The following N4BP2 variants were observed in gnomAD, a reference collection of about 807,000 sequenced individuals.
N4BP2 encodes the protein NEDD4-binding protein 2.
N4BP2 carries 91 observed loss-of-function variants against 152.8 expected under a neutral mutation model. The observed-to-expected ratio is 0.60, with a 90% CI of 0.50 to 0.71. The LOEUF (loss-of-function observed/expected upper bound fraction) is 0.71, where lower values mean the gene tolerates loss of function less well. N4BP2 is among the 30% of genes least tolerant of loss of function. The probability of loss-of-function intolerance (pLI) is 0.00; values close to 1 mark genes in which losing one functional copy is unlikely to be tolerated. For synonymous variants in N4BP2, 646 were observed against 705.3 expected (o/e 0.92, Z 1.33); for missense variants, 1,923 against 2,059.1 (o/e 0.93, Z 1.28).
intron 14 of N4BP2, among the ~76,000 whole-genome samples, chr4:40,140,363 C>A (rs1719805256): frequency 6.6e-6 from 1 of 152,104 alleles, no homozygotes; most frequent in Non-Finnish European, 1.5e-5. Context: ...GATTATGAGA[C>A]CTTATGGGCC....
chr4:40,088,641 C>G (rs921853616), intron 2 of N4BP2, among the ~76,000 whole-genome samples: 1 of 152,004 alleles, frequency 6.6e-6, no homozygotes, highest in South Asian at 2.1e-4. Context: ...GCTGGGATTA[C>G]AGGCATGCAC....
chr4:40,127,861 C>G (rs1560623986), intron 12 of N4BP2, among the ~76,000 whole-genome samples: 1 of 152,138 alleles, frequency 6.6e-6, no homozygotes, highest in African/African-American at 2.4e-5. Flanking sequence ...CGGGGTTTCA[C>G]CGTGTTAGCC....
intron 2 of N4BP2, among the ~76,000 whole-genome samples, chr4:40,095,928 T>C (rs972789246): frequency 7.2e-5 from 11 of 152,150 alleles, no homozygotes; most frequent in African/African-American, 2.7e-4. Context: ...CTGGCTGGTA[T>C]ATTGAAAATA....
chr4:40,091,602 CT>C (rs35142277), intron 2 of N4BP2, among the ~76,000 whole-genome samples: 6,043 of 80,420 alleles, frequency 0.075, 58 homozygotes, highest in Non-Finnish European at 0.084. Flanking sequence ...GTATACAATC[CT>C]TTTTTTTTTT....
At chr4:40,092,284 A>ATT (rs766052742) in intron 2 of N4BP2, among the ~76,000 whole-genome samples, 2 of 146,674 alleles carry the variant, frequency 1.4e-5, no homozygotes, top group Non-Finnish European at 3.0e-5. Flanking sequence ...GGCCCTGGAA[A>ATT]TTTTTTTTTT....
At chr4:40,092,008 TTATATATATATATATA>T (rs1221314746) in intron 2 of N4BP2, among the ~76,000 whole-genome samples, 10 of 27,206 alleles carry the variant, frequency 3.7e-4, no homozygotes, top group East Asian at 1.9e-3. Flanking sequence ...AAAAAAAAAA[TTATATATATATATATA>T]TATATATATA....
At chr4:40,124,068 A>T in intron 10 of N4BP2, 92 bp from the exon 11 acceptor site, 1 of 920,696 alleles carries the variant, frequency 1.1e-6, no homozygotes, top group Admixed American at 1.8e-5. Context: ...TACAAGGAGA[A>T]ATGATTTCTA....
In N4BP2 at chr4:40,152,646, A is replaced by G. The variant is rs555767104; in HGVS notation, c.5144-134A>G. 1,213 of 825,952 alleles carry G rather than the reference A, an allele frequency of 1.5e-3. 8 individuals are homozygous for G. The highest frequency in any genetic ancestry group is 0.011 in the Middle Eastern group (32 of 2,868). The allele number at this position is 825,952 out of a possible 1,614,324, so 51.2% of individuals were successfully genotyped here. A position where few individuals can be genotyped will look rare whatever the true frequency, so the allele number is the denominator to read the frequency against. ...TTTGAGATAGCAAATCTGTCTTACT[A>G]TTACAGTTTTGAGATGGCAAACCCC... On this transcript the variant is annotated intron_variant, in intron 16 of 17. Coordinates refer to ENST00000261435, the MANE Select transcript of N4BP2 (RefSeq NM_018177.6).
intron 5 of N4BP2, among the ~76,000 whole-genome samples, chr4:40,110,993 A>T (rs1470731579): frequency 6.6e-6 from 1 of 152,216 alleles, no homozygotes; most frequent in African/African-American, 2.4e-5. Context: ...TTTGGAAGAA[A>T]GGTAAGAAAA....
Position 40,061,639 on chromosome 4 carries a change from G to T in N4BP2, c.-212+4609G>T, listed in dbSNP as rs909688483. ...CTCAGCCTCCCAAAGTGCTGGGATTGCAGGCTTGAGCCACTGTGTCTGGCG... is the reference window on the plus strand; with the variant it reads ...CTCAGCCTCCCAAAGTGCTGGGATTTCAGGCTTGAGCCACTGTGTCTGGCG... On this transcript the variant is annotated intron_variant, in intron 1 of 17. Coordinates refer to ENST00000261435, the MANE Select transcript of N4BP2 (RefSeq NM_018177.6). 6.0e-5 allele frequency among the ~76,000 whole-genome samples: 9 copies of T among 149,638 alleles called. No individual in the cohort carries two copies. In the East Asian group the frequency reaches 1.6e-3, roughly 27 times the overall value.
chr4:40,170,953 T>C, the N4BP2 span, among the ~76,000 whole-genome samples: 1 of 152,206 alleles, frequency 6.6e-6, no homozygotes, highest in Admixed American at 6.5e-5. Flanking sequence ...TGGAAAAGGC[T>C]TTTACATGTT....
At chr4:40,092,708 A>G (rs1299072760) in intron 2 of N4BP2, among the ~76,000 whole-genome samples, 2 of 149,576 alleles carry the variant, frequency 1.3e-5, no homozygotes, top group Non-Finnish European at 3.0e-5. Flanking sequence ...CAGTGACACA[A>G]TCTCAGCTCA....
chr4:40,096,388 G>A (rs150419698), intron 2 of N4BP2, among the ~76,000 whole-genome samples: 2 of 152,290 alleles, frequency 1.3e-5, no homozygotes, highest in African/African-American at 2.4e-5. Context: ...AGGTGTAAAG[G>A]TTCCCAGGGG....
Position 40,103,219 on chromosome 4 carries a change from G to T in N4BP2, c.1373+1G>T, listed in dbSNP as rs1344656285. On this transcript the variant is annotated splice_donor_variant, in intron 4 of 17. Coordinates refer to ENST00000261435, the MANE Select transcript of N4BP2 (RefSeq NM_018177.6). LOFTEE classifies it high-confidence loss of function. ...GATCTGGAAAATCTTTTTTGGCAAG[G>T]TATGAGGTTTGATTGGGTTTTTAAA... 1 of 1,592,820 alleles carries T rather than the reference G, an allele frequency of 6.3e-7. No individual in the cohort carries two copies. Among genetic ancestry groups the T allele is most frequent in the Admixed American group, 1.8e-5 (1 of 54,818 alleles).
chr4:40,070,200 GTAAAC>G (rs1229380927), intron 1 of N4BP2, among the ~76,000 whole-genome samples: 1 of 152,046 alleles, frequency 6.6e-6, no homozygotes, highest in Non-Finnish European at 1.5e-5. Context: ...CCATTTAAAA[GTAAAC>G]TAAGAGGGGC....
At chr4:40,112,944 TCCA>T in intron 6 of N4BP2, among the ~76,000 whole-genome samples, 1 of 152,334 alleles carries the variant, frequency 6.6e-6, no homozygotes. Context: ...CCTCAGTTAA[TCCA>T]CCAACCTCGG....
At chr4:40,123,046 GC>G in intron 9 of N4BP2, 80 bp from the exon 10 acceptor site, 1 of 789,362 alleles carries the variant, frequency 1.3e-6, no homozygotes, top group Non-Finnish European at 2.2e-6. Context: ...GTTTTGTGAT[GC>G]ATAAGGTGGT....
intron 10 of N4BP2, among the ~76,000 whole-genome samples, 180 bp downstream of exon 10, chr4:40,123,392 C>CT (rs149517277): frequency 0.022 from 3,321 of 151,720 alleles, 124 homozygotes; most frequent in African/African-American, 0.075. Context: ...AGATTACTGT[C>CT]TTTTTTTTTC....
At chr4:40,127,400 A>G (rs1442565419) in intron 12 of N4BP2, among the ~76,000 whole-genome samples, 2 of 151,568 alleles carry the variant, frequency 1.3e-5, no homozygotes, top group Non-Finnish European at 2.9e-5. Flanking sequence ...TTTTTTGTAG[A>G]GATGGGGTCT....
Sources: allele counts gnomAD v4.1 joint callset (sites outside exome capture counted in the v4.1 genomes callset), GRCh38; gene constraint gnomAD v4.1.1; transcripts MANE v1.5; gene names NCBI Gene and HGNC (gene_info 2026-07-23, HGNC 2026-07-21).